The following KCNQ1 variants were observed in gnomAD, a reference collection of about 807,000 sequenced individuals.
The protein encoded by KCNQ1 is potassium voltage-gated channel subfamily KQT member 1.
Under a neutral mutation model 72.4 loss-of-function variants are expected in KCNQ1, and 49 were observed. The ratio of observed to expected loss-of-function variants is 0.68; its 90% CI spans 0.54 to 0.86. The LOEUF is 0.86. Ranked by LOEUF, KCNQ1 falls within the 40% of genes least tolerant of loss-of-function variation. The pLI is 0.00. For missense variants in KCNQ1, 790 were observed against 945.1 expected, an observed-to-expected ratio of 0.84 and a Z score of 2.15; for synonymous variants, 450 against 412.6, an observed-to-expected ratio of 1.09 and a Z score of -1.10.
chr11:2,583,174 C>A (rs1168393085), intron 6 of KCNQ1, among the ~76,000 whole-genome samples: 1 of 152,182 alleles, frequency 6.6e-6, no homozygotes, highest in Non-Finnish European at 1.5e-5. Context: ...TCCCAGCCAG[C>A]AGGCCTGGCC....
At position 2,451,530 on chromosome 11, in the gene KCNQ1, C is replaced by T. The variant is rs1846119020; in HGVS notation, c.386+6046C>T. Among the ~76,000 whole-genome samples, 1 of 152,184 alleles carries T rather than the reference C, an allele frequency of 6.6e-6. No homozygotes were observed. Among genetic ancestry groups the T allele is most frequent in the South Asian group, 2.1e-4 (1 of 4,828 alleles). ...TGGAGGGTTCTGAGCACTGGAAGGA[C>T]CTGGCTGTGGTCCCAGGCACTGGGT... On this transcript the variant is annotated intron_variant, in intron 1 of 15. Coordinates refer to ENST00000155840, the MANE Select transcript of KCNQ1 (RefSeq NM_000218.3). This position sits in a 1 kb window ranked among gnomAD's most constrained non-coding sequence, Gnocchi z 6.4.
rs995948894 is a variant in KCNQ1 at position 2,836,231 on chromosome 11, G to T, written c.1795-11536G>T. Among the ~76,000 whole-genome samples, 3 of 152,148 alleles carry T rather than the reference G, an allele frequency of 2.0e-5. No homozygotes were observed. In the South Asian group the frequency reaches 6.2e-4, roughly 32 times the overall value. On this transcript the variant is annotated intron_variant, in intron 15 of 15. Coordinates refer to ENST00000155840, the MANE Select transcript of KCNQ1 (RefSeq NM_000218.3). ...TCTTTAGAAATGAGGGGATGGGTCT[G>T]GTAGAGCACCCCAGATTCAAGGCGG...
chr11:2,642,712 T>G lies in KCNQ1; in HGVS notation c.1394-19249T>G. The G allele has an allele frequency of 2.5e-6, 1 of 397,900 alleles. No individual in the cohort carries two copies. Among genetic ancestry groups the G allele is most frequent in the South Asian group, 1.3e-4 (1 of 7,858 alleles). 24.6% of individuals were successfully genotyped at this position (397,900 alleles called of 1,614,324 possible). ...TTCCTTCTACTAATTTTATGTTTAGTATGGTTTGTTCTTGCTTTTCTGGTT... is the reference window on the plus strand; with the variant it reads ...TTCCTTCTACTAATTTTATGTTTAGGATGGTTTGTTCTTGCTTTTCTGGTT... On this transcript the variant is annotated intron_variant, in intron 10 of 15. Transcript: ENST00000155840. This position sits in a 1 kb window ranked among gnomAD's most constrained non-coding sequence, Gnocchi z 4.3.
rs879118414 is a variant in KCNQ1, at chr11:2,495,301, A to AT, written c.387-32620dup. Reference sequence around the variant, plus strand: ...AAAAAACCAGCTCCTGGATTCATTGATTTTTTTGGAAGGGTTTTTCATGTC... The same window carrying AT: ...AAAAAACCAGCTCCTGGATTCATTGATTTTTTTTGGAAGGGTTTTTCATGTC... On this transcript the variant is annotated intron_variant, in intron 1 of 15. Coordinates refer to ENST00000155840, the MANE Select transcript of KCNQ1 (RefSeq NM_000218.3). This position sits in a 1 kb window ranked among gnomAD's most constrained non-coding sequence, Gnocchi z 4.6. Among the ~76,000 whole-genome samples the AT allele has an allele frequency of 7.2e-5, 11 of 151,860 alleles. No individual in the cohort carries two copies. Among genetic ancestry groups the AT allele is most frequent in the African/African-American group, 1.7e-4 (7 of 41,310 alleles).
chr11:2,531,809 C>A (rs1847638446), intron 2 of KCNQ1, among the ~76,000 whole-genome samples: 1 of 152,186 alleles, frequency 6.6e-6, no homozygotes, highest in Non-Finnish European at 1.5e-5. Flanking sequence ...TGCCTCCCTG[C>A]CACACCTTGC....
intron 12 of KCNQ1, 104 bp from the exon 13 acceptor site, chr11:2,775,856 G>A (rs1846684485): frequency 9.0e-7 from 1 of 1,110,826 alleles, no homozygotes; most frequent in Non-Finnish European, 1.3e-6. Context: ...GAGCTCCCAG[G>A]TCTTCACAAG....
rs537715716 is a variant in KCNQ1 at position 2,569,627 on chromosome 11, T to C, written c.478-1001T>C. Among the ~76,000 whole-genome samples the C allele has an allele frequency of 2.2e-3, 336 of 152,264 alleles. 4 individuals carry two copies. Among genetic ancestry groups the C allele is most frequent in the South Asian group, 0.019 (91 of 4,816 alleles). ...AGCGCCTCTCACACGTGGGGGCTGG[T>C]TTCATCTTCCAGCCCCACACACCTT... is the stretch of plus-strand genomic sequence containing the variant. On this transcript the variant is annotated intron_variant, in intron 2 of 15. Transcript: ENST00000155840.
In KCNQ1 at chr11:2,678,598, G is replaced by C. The variant is rs928666146; in HGVS notation, c.1514+16517G>C. ...TATGATGCACTTATCTGTGTAGCAGGACTCCCCCTCATCTCCATTACTTAA... is the reference window on the plus strand; with the variant it reads ...TATGATGCACTTATCTGTGTAGCAGCACTCCCCCTCATCTCCATTACTTAA... On this transcript the variant is annotated intron_variant, in intron 11 of 15. Transcript: ENST00000155840. This position sits in a 1 kb window ranked among gnomAD's most constrained non-coding sequence, Gnocchi z 4.9. 7 of 398,432 alleles carry C rather than the reference G, an allele frequency of 1.8e-5. No individual in the cohort carries two copies. Among genetic ancestry groups the C allele is most frequent in the African/African-American group, 4.1e-5 (2 of 48,610 alleles). The allele number at this position is 398,432 out of a possible 1,614,324, so 24.7% of individuals were successfully genotyped here.
rs1850562502 is a variant in KCNQ1 at position 2,690,007 on chromosome 11, A to T, written c.1514+27926A>T. 1 of 398,744 alleles carries T rather than the reference A, an allele frequency of 2.5e-6. No homozygotes were observed. Among genetic ancestry groups the T allele is most frequent in the Admixed American group, 4.4e-5 (1 of 22,728 alleles). 24.7% of individuals were successfully genotyped at this position (398,744 alleles called of 1,614,324 possible). Reference sequence around the variant, plus strand: ...CCTTTGCCCAAGCAGAGAACTGTTGAGGAAGGTGAGCCTTCCGAGGGCCAG... The same window carrying T: ...CCTTTGCCCAAGCAGAGAACTGTTGTGGAAGGTGAGCCTTCCGAGGGCCAG... On this transcript the variant is annotated intron_variant, in intron 11 of 15. Transcript: ENST00000155840. The surrounding 1 kb of genome is among the most constrained non-coding windows in gnomAD (Gnocchi z 5.1).
At chr11:2,465,154 T>G (rs981412575) in intron 1 of KCNQ1, among the ~76,000 whole-genome samples, 3 of 151,992 alleles carry the variant, frequency 2.0e-5, no homozygotes, top group African/African-American at 7.3e-5. Context: ...TTCCCAGAAG[T>G]TTTTTTATTT....
chr11:2,639,567 C>G (rs2133827158), intron 10 of KCNQ1: 1 of 152,678 alleles, frequency 6.5e-6, no homozygotes, highest in Middle Eastern at 3.4e-3. Flanking sequence ...GATTGTTCCT[C>G]TGGAAGCTTC....
chr11:2,735,576 T>C lies in KCNQ1; in HGVS notation c.1515-33268T>C, dbSNP rs1845943097. Among the ~76,000 whole-genome samples the C allele has an allele frequency of 6.6e-6, 1 of 152,112 alleles. No homozygotes were observed. Among genetic ancestry groups the C allele is most frequent in the Admixed American group, 6.5e-5 (1 of 15,274 alleles). On this transcript the variant is annotated intron_variant, in intron 11 of 15. Coordinates refer to ENST00000155840, the MANE Select transcript of KCNQ1 (RefSeq NM_000218.3). The surrounding 1 kb of genome is among the most constrained non-coding windows in gnomAD (Gnocchi z 7.7). ...CCTCTCCCTCCTCACCATTTTCTGTTGAGCACACTTGAGGAGCACTTGGAG... is the reference window on the plus strand; with the variant it reads ...CCTCTCCCTCCTCACCATTTTCTGTCGAGCACACTTGAGGAGCACTTGGAG...
chr11:2,806,785 C>A (rs1471603710), intron 15 of KCNQ1, among the ~76,000 whole-genome samples: 1 of 152,246 alleles, frequency 6.6e-6, no homozygotes, highest in African/African-American at 2.4e-5. Context: ...TGACCCCTCC[C>A]CGCCCCTCTC....
At position 2,704,491 on chromosome 11, in the gene KCNQ1, T is replaced by G. The variant is rs1400218564; in HGVS notation, c.1514+42410T>G. Among the ~76,000 whole-genome samples the G allele has an allele frequency of 6.6e-6, 1 of 152,222 alleles. No homozygotes were observed. The highest frequency in any genetic ancestry group is 1.5e-5 in the Non-Finnish European group (1 of 68,036). ...AGGATGGGCAGGCTCTGGGTCCTTT[T>G]GGGCCTTGTAGGCTGTCGTCAGAGG... On this transcript the variant is annotated intron_variant, in intron 11 of 15. Transcript: ENST00000155840. This position sits in a 1 kb window ranked among gnomAD's most constrained non-coding sequence, Gnocchi z 4.3.
rs1847307922 is a variant in KCNQ1, at chr11:2,803,223, A to G, written c.1794+25186A>G. Among the ~76,000 whole-genome samples, 1 of 152,154 alleles carries G rather than the reference A, an allele frequency of 6.6e-6. No homozygotes were observed. The highest frequency in any genetic ancestry group is 6.5e-5 in the Admixed American group (1 of 15,292). ...GAGGACCTGCCATGGCTTTGCCAGA[A>G]GACCCTGGGACTGTCTGGAGCATCC... On this transcript the variant is annotated intron_variant, in intron 15 of 15. Transcript: ENST00000155840. This position sits in a 1 kb window ranked among gnomAD's most constrained non-coding sequence, Gnocchi z 6.4.
In KCNQ1 at chr11:2,778,464, G is replaced by A. The variant is rs116307302; in HGVS notation, c.1794+427G>A. ...GGGCCTCCACTTGGGGCCGGCCGAG[G>A]GCTCAGGGAGGTGCAGGGCCCAGCT... On this transcript the variant is annotated intron_variant, in intron 15 of 15. Coordinates refer to ENST00000155840, the MANE Select transcript of KCNQ1 (RefSeq NM_000218.3). Among the ~76,000 whole-genome samples the A allele has an allele frequency of 4.4e-3, 672 of 152,290 alleles. 7 individuals carry two copies. Among genetic ancestry groups the A allele is most frequent in the African/African-American group, 0.015 (636 of 41,560 alleles).
rs565009566 is a variant in KCNQ1, at chr11:2,809,392, C to T, written c.1794+31355C>T. Among the ~76,000 whole-genome samples the T allele has an allele frequency of 1.3e-5, 2 of 152,144 alleles. No individual in the cohort carries two copies. Among genetic ancestry groups the T allele is most frequent in the Non-Finnish European group, 2.9e-5 (2 of 68,030 alleles). On this transcript the variant is annotated intron_variant, in intron 15 of 15. Coordinates refer to ENST00000155840, the MANE Select transcript of KCNQ1 (RefSeq NM_000218.3). The surrounding 1 kb of genome is among the most constrained non-coding windows in gnomAD (Gnocchi z 7.1). ...GTGGTAGCCAGCGACGCTGCAACCC[C>T]GCCCCCGCAGCCTCCTGGTGCAGCA...
intron 11 of KCNQ1, among the ~76,000 whole-genome samples, chr11:2,736,459 C>G (rs1263614597): frequency 6.6e-6 from 1 of 152,116 alleles, no homozygotes; most frequent in East Asian, 1.9e-4. Flanking sequence ...TGAGGGGCCT[C>G]TGGGGTTAGA....
intron 15 of KCNQ1, among the ~76,000 whole-genome samples, chr11:2,797,376 G>A (rs163174): frequency 1 from 151,896 of 152,352 alleles, 75,721 homozygotes; most frequent in Middle Eastern, 1. Context: ...AGGTGTGCCT[G>A]ACGGGGCCAG....
Sources: gnomAD v4.1 joint callset for allele counts (sites outside exome capture counted in the v4.1 genomes callset) on GRCh38, gnomAD v4.1.1 for gene constraint, Gnocchi (gnomAD v3.1) non-coding constraint, MANE v1.5 for transcripts, NCBI Gene and HGNC (gene_info 2026-07-23, HGNC 2026-07-21) for gene names.